MUSK: variants seen among roughly 807,000 people sequenced by gnomAD.
The protein encoded by MUSK is muscle, skeletal receptor tyrosine-protein kinase.
Under a neutral mutation model 88.7 loss-of-function variants are expected in MUSK, and 55 were observed. The observed-to-expected ratio is 0.62, with a 90% CI of 0.50 to 0.78. The LOEUF is 0.78. Ranked by LOEUF, MUSK falls within the 30% of genes least tolerant of loss-of-function variation. The pLI is 0.00. For synonymous variants in MUSK, 387 were observed against 391.9 expected, an observed-to-expected ratio of 0.99 and a Z score of 0.15; for missense variants, 1,015 against 1,074.3, an observed-to-expected ratio of 0.94 and a Z score of 0.77.
chr9:110,695,591 T>G, intron 4 of MUSK, 61 bp downstream of exon 4: 1 of 1,340,128 alleles, frequency 7.5e-7, no homozygotes, highest in Non-Finnish European at 1.0e-6. Flanking sequence ...AACATTTCTT[T>G]ACACACTCAG....
intron 7 of MUSK, among the ~76,000 whole-genome samples, chr9:110,752,087 C>T (rs1309458060): frequency 2.0e-5 from 3 of 152,080 alleles, no homozygotes; most frequent in South Asian, 2.1e-4. Context: ...TGACACTCCT[C>T]GACTTTTCCC....
chr9:110,689,456 C>T (rs1444024855), intron 3 of MUSK, among the ~76,000 whole-genome samples: 2 of 102,196 alleles, frequency 2.0e-5, no homozygotes, highest in Non-Finnish European at 3.5e-5. Context: ...GTAAAAAATA[C>T]ATATTTATAT....
rs138135288 is a variant in MUSK, at chr9:110,722,284, C to T, written c.629-11967C>T. 2.1e-3 allele frequency among the ~76,000 whole-genome samples: 323 copies of T among 152,222 alleles called. 1 individual carries two copies. Among genetic ancestry groups the T allele is most frequent in the African/African-American group, 7.5e-3 (313 of 41,548 alleles). The stretch of plus-strand genomic sequence containing the variant: ...TTGGCTCATGCCTGTAATCCCTGCA[C>T]TTTGGGAGGCCAAGGCTGGCAGATC... On this transcript the variant is annotated intron_variant, in intron 5 of 14. Coordinates refer to ENST00000374448, the MANE Select transcript of MUSK (RefSeq NM_005592.4).
intron 7 of MUSK, among the ~76,000 whole-genome samples, chr9:110,748,294 T>C (rs1478400516): frequency 6.6e-6 from 1 of 151,570 alleles, no homozygotes; most frequent in African/African-American, 2.4e-5. Context: ...ACTTTCCAAG[T>C]CTCTCATGGA....
At position 110,766,290 on chromosome 9, in the gene MUSK, C is replaced by G. The variant is rs1588012302; in HGVS notation, c.921-1530C>G. Among the ~76,000 whole-genome samples the G allele has an allele frequency of 2.6e-5, 4 of 152,250 alleles. No individual in the cohort carries two copies. The South Asian group carries it at 8.3e-4, about 32-fold the overall frequency. On this transcript the variant is annotated intron_variant, in intron 8 of 14. Transcript: ENST00000374448. Reference sequence around the variant, plus strand: ...CTGAGGCTGCTTCTTAGGCCTTCACCTTGGGGTGTCGTTTACTGAGCCTCA... The same window carrying G: ...CTGAGGCTGCTTCTTAGGCCTTCACGTTGGGGTGTCGTTTACTGAGCCTCA...
In MUSK at chr9:110,689,630, A is replaced by C. The variant is rs1041518747; in HGVS notation, c.358+2362A>C. Among the ~76,000 whole-genome samples the C allele has an allele frequency of 4.5e-4, 36 of 79,362 alleles. No individual in the cohort carries two copies. In the East Asian group the frequency reaches 9.6e-3, roughly 21 times the overall value. The allele number at this position is 79,362 out of a possible 152,430, so 52.1% of individuals were successfully genotyped here. ...ATATATTTTAGTATATATATTATAT[A>C]TTAGTATATATTAGTAATATACCAT... is the stretch of plus-strand genomic sequence containing the variant. On this transcript the variant is annotated intron_variant, in intron 3 of 14. Transcript: ENST00000374448.
intron 5 of MUSK, among the ~76,000 whole-genome samples, chr9:110,700,347 C>G (rs1186392159): frequency 6.6e-6 from 1 of 152,080 alleles, no homozygotes; most frequent in African/African-American, 2.4e-5. Context: ...ATAGCTGTGT[C>G]TAAGAATTTG....
intron 3 of MUSK, among the ~76,000 whole-genome samples, chr9:110,689,400 A>C (rs2076255086): frequency 8.6e-6 from 1 of 115,630 alleles, no homozygotes; most frequent in African/African-American, 3.6e-5. Flanking sequence ...AAAATATGTG[A>C]AAAATACATA....
intron 9 of MUSK, among the ~76,000 whole-genome samples, chr9:110,773,740 C>G (rs946147840): frequency 6.6e-6 from 1 of 152,102 alleles, no homozygotes; most frequent in Non-Finnish European, 1.5e-5. Flanking sequence ...GTTCTCCTCA[C>G]TTGTGTTACT....
intron 3 of MUSK, among the ~76,000 whole-genome samples, chr9:110,689,728 A>AACT (rs1564217925): frequency 3.9e-5 from 3 of 77,334 alleles, no homozygotes; most frequent in African/African-American, 1.4e-4. Context: ...TGTTATATAT[A>AACT]GTTTATATAT....
At position 110,682,569 on chromosome 9, in the gene MUSK, G is replaced by A. The variant is rs1254815202; in HGVS notation, c.80-105G>A. ...TCTTTTGGCAAATTTCTACTCTGGGGAAACAGAATTCTCATTCAGGTATGT... is the reference window on the plus strand; with the variant it reads ...TCTTTTGGCAAATTTCTACTCTGGGAAAACAGAATTCTCATTCAGGTATGT... On this transcript the variant is annotated intron_variant, in intron 1 of 14. Coordinates refer to ENST00000374448, the MANE Select transcript of MUSK (RefSeq NM_005592.4). 2.2e-5 allele frequency: 25 copies of A among 1,160,260 alleles called. No individual in the cohort carries two copies. The Admixed American group carries it at 6.0e-4, about 28-fold the overall frequency. The allele number at this position is 1,160,260 out of a possible 1,614,324, so 71.9% of individuals were successfully genotyped here.
At chr9:110,769,719 G>A (rs778826941) in intron 9 of MUSK, among the ~76,000 whole-genome samples, 3 of 152,062 alleles carry the variant, frequency 2.0e-5, no homozygotes, top group African/African-American at 7.2e-5. Context: ...AAAGTAGCAC[G>A]TGTATAATAA....
At chr9:110,689,559 A>ATAT (rs1564217399) in intron 3 of MUSK, among the ~76,000 whole-genome samples, 10 of 97,746 alleles carry the variant, frequency 1.0e-4, no homozygotes, top group African/African-American at 1.4e-4. Flanking sequence ...ATATTTATAT[A>ATAT]TTATATATAT....
intron 5 of MUSK, among the ~76,000 whole-genome samples, chr9:110,702,644 C>A (rs144833181): frequency 1.0e-3 from 152 of 152,254 alleles, no homozygotes; most frequent in African/African-American, 3.5e-3. Context: ...CACAGTGGCT[C>A]ACCCCTGTAA....
chr9:110,779,461 C>T (rs1028221751), intron 11 of MUSK, among the ~76,000 whole-genome samples: 2 of 152,092 alleles, frequency 1.3e-5, no homozygotes, highest in African/African-American at 2.4e-5. Context: ...CTGTAGTCTT[C>T]TCTTCTTCAC....
Position 110,800,704 on chromosome 9 carries a change from T to C in MUSK, c.2326T>C (p.Tyr776His), listed in dbSNP as rs2078081080. The stretch of plus-strand genomic sequence containing the variant: ...TTGGATGCCACCAGAGTCCATTTTT[T>C]ATAACCGCTACACTACAGAGTCTGA... ...IRWMPPESIFYNRYTTESDVW... is the reference protein window; with the variant it reads ...IRWMPPESIFHNRYTTESDVW... The change falls in exon 15 of 15, where the codon TAT (tyrosine) becomes CAT (histidine). Residue 776 changes from tyrosine (Y) to histidine (H), a missense_variant. Coordinates refer to ENST00000374448, the MANE Select transcript of MUSK (RefSeq NM_005592.4). The C allele has an allele frequency of 1.2e-6, 2 of 1,614,006 alleles. No homozygotes were observed. Among genetic ancestry groups the C allele is most frequent in the Non-Finnish European group, 8.5e-7 (1 of 1,179,898 alleles).
intron 13 of MUSK, among the ~76,000 whole-genome samples, chr9:110,787,089 G>A (rs1237510016): frequency 6.6e-6 from 1 of 152,120 alleles, no homozygotes; most frequent in Non-Finnish European, 1.5e-5. Context: ...GTGGCTGGGC[G>A]CGATGGCTCA....
At position 110,800,451 on chromosome 9, in the gene MUSK, C is replaced by T; in HGVS notation, c.2073C>T (p.Ser691=). Residue 691 remains serine, a synonymous_variant, in exon 15 of 15, where the codon AGC becomes AGT. Coordinates refer to ENST00000374448, the MANE Select transcript of MUSK (RefSeq NM_005592.4). ...TGTCTATGAGGGCTCAGGTCTCCAG[C>T]CCTGGGCCCCCACCCCTCTCCTGTG... is the stretch of plus-strand genomic sequence containing the variant. The part of the protein sequence containing the change: ...SDLSMRAQVS[S]PGPPPLSCAE... 6.2e-7 allele frequency: 1 copy of T among 1,613,898 alleles called. No individual in the cohort carries two copies. Among genetic ancestry groups the T allele is most frequent in the Non-Finnish European group, 8.5e-7 (1 of 1,179,862 alleles).
intron 1 of MUSK, among the ~76,000 whole-genome samples, chr9:110,671,731 A>C (rs1215828129): frequency 6.6e-6 from 1 of 152,198 alleles, no homozygotes; most frequent in Non-Finnish European, 1.5e-5. Context: ...CCAATGTTCC[A>C]CTGGATAATT....
Sources: allele counts gnomAD v4.1 joint callset (sites outside exome capture counted in the v4.1 genomes callset), GRCh38; gene constraint gnomAD v4.1.1; transcripts MANE v1.5; gene names NCBI Gene and HGNC (gene_info 2026-07-23, HGNC 2026-07-21).